The following PRKCE variants were observed in gnomAD, a reference collection of about 807,000 sequenced individuals.
PRKCE encodes protein kinase C epsilon type.
A neutral mutation model predicts 85.4 loss-of-function variants in PRKCE; 16 were observed. That is an observed-to-expected ratio of 0.19 (90% CI 0.13 to 0.28). PRKCE has a LOEUF of 0.28. Among genes scored for constraint, PRKCE ranks in the 10% least tolerant of loss-of-function variants. The pLI is 1.00. For missense variants in PRKCE, 573 were observed against 975.2 expected (o/e 0.59, Z 5.49); for synonymous variants, 388 against 371.5 (o/e 1.04, Z -0.51).
At chr2:46,063,520 C>T (rs1461386588) in intron 10 of PRKCE, among the ~76,000 whole-genome samples, 1 of 152,154 alleles carries the variant, frequency 6.6e-6, no homozygotes, top group African/African-American at 2.4e-5. Context: ...CAGATGGTTT[C>T]TGTGGTCTGG....
intron 1 of PRKCE, among the ~76,000 whole-genome samples, chr2:45,765,362 G>A (rs1051069718): frequency 2.6e-5 from 4 of 152,242 alleles, no homozygotes; most frequent in African/African-American, 4.8e-5. Flanking sequence ...GGAGTCTCCA[G>A]GTTGGGTTGT....
rs75042186 is a variant in PRKCE at position 46,139,910 on chromosome 2, A to C, written c.1593-5183A>C. 0.041 allele frequency among the ~76,000 whole-genome samples: 6,299 copies of C among 152,222 alleles called. 140 individuals carry two copies. Among genetic ancestry groups the C allele is most frequent in the Middle Eastern group, 0.068 (20 of 294 alleles). ...GCTGCGTAGCTATGTGCCTGGCTTA[A>C]AAAATAGAAAGTAAATGTTCTCTTA... On this transcript the variant is annotated intron_variant, in intron 11 of 14. Coordinates refer to ENST00000306156, the MANE Select transcript of PRKCE (RefSeq NM_005400.3). This position sits in a 1 kb window ranked among gnomAD's most constrained non-coding sequence, Gnocchi z 5.2.
chr2:46,051,652 A>G (rs1028531942), intron 10 of PRKCE, among the ~76,000 whole-genome samples: 1 of 152,134 alleles, frequency 6.6e-6, no homozygotes, highest in Non-Finnish European at 1.5e-5. Context: ...ACTTACAGGT[A>G]TTGTTTTCTC....
intron 10 of PRKCE, among the ~76,000 whole-genome samples, chr2:46,031,632 G>A (rs185165798): frequency 7.7e-6 from 1 of 129,914 alleles, no homozygotes; most frequent in African/African-American, 2.8e-5. Context: ...GTGTGTGTGT[G>A]TGTAGAAAAA....
At chr2:46,146,346 G>T (rs191474094) in intron 12 of PRKCE, among the ~76,000 whole-genome samples, 3 of 152,374 alleles carry the variant, frequency 2.0e-5, no homozygotes, top group African/African-American at 7.2e-5. Context: ...CTTTCAGTGG[G>T]CATTGTTTGA....
intron 10 of PRKCE, chr2:46,077,933 G>A (rs1574410429): frequency 6.6e-6 from 1 of 152,240 alleles, no homozygotes; most frequent in South Asian, 2.1e-4. Context: ...ATTATTTACT[G>A]TTTTCATTTA....
intron 1 of PRKCE, among the ~76,000 whole-genome samples, chr2:45,716,768 T>G: frequency 6.6e-6 from 1 of 151,562 alleles, no homozygotes; most frequent in Non-Finnish European, 1.5e-5. Context: ...GCAGAATTTA[T>G]AAAGAATAGA....
chr2:46,025,413 G>T (rs969214929), intron 10 of PRKCE, among the ~76,000 whole-genome samples: 1 of 152,118 alleles, frequency 6.6e-6, no homozygotes, highest in Non-Finnish European at 1.5e-5. Flanking sequence ...GGTATTCCAG[G>T]GATAGAAAAA....
rs947166892 is a variant in PRKCE, at chr2:45,813,210, A to G, written c.349-29790A>G. On this transcript the variant is annotated intron_variant, in intron 1 of 14. Coordinates refer to ENST00000306156, the MANE Select transcript of PRKCE (RefSeq NM_005400.3). ...TACACCTTCCTGAGGCACTTATCTA[A>G]CTGGATTCAGAAGTGCAGCTGCCTC... Among the ~76,000 whole-genome samples the G allele has an allele frequency of 2.6e-5, 4 of 152,086 alleles. No individual in the cohort carries two copies. The East Asian group carries it at 7.7e-4, about 29-fold the overall frequency.
chr2:45,937,837 C>A (rs906739337), intron 2 of PRKCE, among the ~76,000 whole-genome samples: 1 of 152,222 alleles, frequency 6.6e-6, no homozygotes, highest in Non-Finnish European at 1.5e-5. Flanking sequence ...CACTCCAACT[C>A]TGGAAGGTAG....
intron 10 of PRKCE, chr2:46,073,331 C>T (rs1312435277): frequency 6.6e-6 from 1 of 152,138 alleles, no homozygotes; most frequent in Non-Finnish European, 1.5e-5. Context: ...TTAGTTTGAC[C>T]CTTTGCAGTG....
intron 2 of PRKCE, among the ~76,000 whole-genome samples, chr2:45,968,718 G>T (rs1332734171): frequency 2.0e-5 from 3 of 152,178 alleles, no homozygotes; most frequent in Non-Finnish European, 4.4e-5. Context: ...GGGTGCCCCT[G>T]ACCCCACATG....
chr2:46,021,660 C>G (rs1706674167), intron 10 of PRKCE, among the ~76,000 whole-genome samples: 1 of 152,180 alleles, frequency 6.6e-6, no homozygotes, highest in Non-Finnish European at 1.5e-5. Context: ...GGTCACAGTT[C>G]AGTTGGCACA....
intron 14 of PRKCE, among the ~76,000 whole-genome samples, chr2:46,174,011 G>C (rs772130436): frequency 1.3e-5 from 2 of 152,236 alleles, no homozygotes; most frequent in Non-Finnish European, 2.9e-5. Context: ...ATAGAATTCA[G>C]CTGTGGTTGA....
At chr2:45,995,621 C>A (rs1558935963) in intron 6 of PRKCE, among the ~76,000 whole-genome samples, 1 of 152,098 alleles carries the variant, frequency 6.6e-6, no homozygotes. Context: ...ATTTTATTGC[C>A]TTTGCTTCTT....
chr2:45,796,024 C>G (rs1418264017), intron 1 of PRKCE, among the ~76,000 whole-genome samples: 1 of 152,224 alleles, frequency 6.6e-6, no homozygotes, highest in African/African-American at 2.4e-5. Flanking sequence ...TCACTCTAAG[C>G]TTCTTTGCAT....
chr2:45,744,958 G>A (rs886923967), intron 1 of PRKCE, among the ~76,000 whole-genome samples: 3 of 152,132 alleles, frequency 2.0e-5, no homozygotes, highest in Non-Finnish European at 4.4e-5. Flanking sequence ...AGTCTCTTGT[G>A]GTGCTCTGAA....
intron 1 of PRKCE, among the ~76,000 whole-genome samples, chr2:45,662,235 A>G (rs1282767124): frequency 6.6e-6 from 1 of 152,218 alleles, no homozygotes; most frequent in African/African-American, 2.4e-5. Context: ...ATATTTATTG[A>G]ATATGCCAGG....
chr2:46,085,179 C>T (rs7574349), intron 10 of PRKCE, among the ~76,000 whole-genome samples: 34,544 of 151,946 alleles, frequency 0.23, 6,970 homozygotes, highest in African/African-American at 0.55. Flanking sequence ...CTCCCCACAT[C>T]ATCATGGATT....
Sources: allele counts gnomAD v4.1 joint callset (sites outside exome capture counted in the v4.1 genomes callset), GRCh38; gene constraint gnomAD v4.1.1; non-coding constraint Gnocchi (gnomAD v3.1); transcripts MANE v1.5; gene names NCBI Gene and HGNC (gene_info 2026-07-23, HGNC 2026-07-21).